The following FLT1 variants were observed in gnomAD, a reference collection of about 807,000 sequenced individuals.
The protein encoded by FLT1 is vascular endothelial growth factor receptor 1.
A neutral mutation model predicts 156.3 loss-of-function variants in FLT1; 49 were observed. The observed-to-expected ratio is 0.31, with a 90% CI of 0.25 to 0.40. The LOEUF is 0.40. Among genes scored for constraint, FLT1 ranks in the 10% least tolerant of loss-of-function variants. The probability of loss-of-function intolerance (pLI) is 1.00; values close to 1 mark genes in which losing one functional copy is unlikely to be tolerated. For synonymous variants in FLT1, 594 were observed against 583.8 expected (o/e 1.02, Z -0.25); for missense variants, 1,322 against 1,637.2 (o/e 0.81, Z 3.32).
At chr13:28,478,575 T>G (rs1880676469) in intron 1 of FLT1, among the ~76,000 whole-genome samples, 1 of 152,230 alleles carries the variant, frequency 6.6e-6, no homozygotes, top group African/African-American at 2.4e-5. Flanking sequence ...CTTTTAAATT[T>G]TATTCAACTA....
chr13:28,321,324 T>G, intron 23 of FLT1, 139 bp downstream of exon 23: 1 of 1,038,822 alleles, frequency 9.6e-7, no homozygotes. Context: ...GGGATGCCGC[T>G]CATCTGGACT....
chr13:28,468,714 C>CT (rs1879986140), intron 1 of FLT1, among the ~76,000 whole-genome samples: 1 of 152,180 alleles, frequency 6.6e-6, no homozygotes, highest in African/African-American at 2.4e-5. Flanking sequence ...CTTGTTCCTG[C>CT]TGCCACCATG....
chr13:28,387,239 T>C (rs558772838), intron 13 of FLT1: 3 of 1,039,988 alleles, frequency 2.9e-6, no homozygotes, highest in South Asian at 9.2e-5. Flanking sequence ...TACAGTAATA[T>C]GCATTTTTCT....
At chr13:28,306,557 C>T (rs1327513300) in intron 29 of FLT1, 121 bp downstream of exon 29, 34 of 760,530 alleles carry the variant, frequency 4.5e-5, no homozygotes, top group Admixed American at 2.2e-4. Flanking sequence ...CTGCAACTCC[C>T]GGATACCACA....
chr13:28,456,739 T>A (rs914358158), intron 3 of FLT1, among the ~76,000 whole-genome samples: 1 of 151,090 alleles, frequency 6.6e-6, no homozygotes, highest in Non-Finnish European at 1.5e-5. Context: ...GAGGTTGCAG[T>A]GAGCTGAGAT....
intron 10 of FLT1, among the ~76,000 whole-genome samples, chr13:28,423,459 A>G (rs888084700): frequency 2.0e-5 from 3 of 151,940 alleles, no homozygotes; most frequent in Non-Finnish European, 4.4e-5. Flanking sequence ...TTTACATTCC[A>G]TAATTTGCAT....
At chr13:28,395,426 ATGTGGCTAC>A (rs1236078872) in intron 12 of FLT1, among the ~76,000 whole-genome samples, 1 of 152,174 alleles carries the variant, frequency 6.6e-6, no homozygotes, top group Non-Finnish European at 1.5e-5. Flanking sequence ...AGCACTTGAA[ATGTGGCTAC>A]TGTGTCAGAG....
intron 1 of FLT1, among the ~76,000 whole-genome samples, chr13:28,468,770 C>T (rs1879988190): frequency 6.6e-6 from 1 of 152,184 alleles, no homozygotes. Flanking sequence ...TAAGGGCTCC[C>T]TGAGGCCTCA....
At chr13:28,451,030 G>A (rs1462685052) in intron 3 of FLT1, among the ~76,000 whole-genome samples, 2 of 152,206 alleles carry the variant, frequency 1.3e-5, no homozygotes, top group Admixed American at 6.5e-5. Flanking sequence ...GACTGATGAA[G>A]ACTCACCGCG....
At chr13:28,440,840 C>T (rs1470346619) in intron 3 of FLT1, among the ~76,000 whole-genome samples, 1 of 152,104 alleles carries the variant, frequency 6.6e-6, no homozygotes, top group Non-Finnish European at 1.5e-5. Flanking sequence ...TGTTAATTTT[C>T]TTATTATTAT....
At chr13:28,317,654 C>T (rs1255773897) in intron 24 of FLT1, 57 bp from the exon 25 acceptor site, 4 of 1,056,502 alleles carry the variant, frequency 3.8e-6, no homozygotes, top group Non-Finnish European at 6.0e-6. Context: ...GTACAAAAGA[C>T]CAAGAGGGGA....
chr13:28,438,332 A>G lies in FLT1; in HGVS notation c.402T>C (p.Pro134=), dbSNP rs890848743. 6.2e-7 allele frequency: 1 copy of G among 1,610,588 alleles called. No individual in the cohort carries two copies. The change falls in exon 4 of 30, where the codon CCT becomes CCC. Residue 134 remains proline, a synonymous_variant. Coordinates refer to ENST00000282397, the MANE Select transcript of FLT1 (RefSeq NM_002019.4). ...IYIFISDTGR[P]FVEMYSEIPE... ...GGATTTCACTGTACATCTCTACGAA[A>G]GGTCTACCTGTATCTGAATGAGAAG... is the stretch of plus-strand genomic sequence containing the variant.
chr13:28,334,053 G>C lies in FLT1; in HGVS notation c.2565C>G (p.Cys855Trp). Residue 855 changes from cysteine to tryptophan, a missense_variant, in exon 18 of 30, where the codon TGC becomes TGG. By Grantham distance (215) the Cys-to-Trp change is radical. This residue lies in a region of FLT1 where 991 missense variants were observed against 1,254.8 expected (regional missense o/e 0.79). Coordinates refer to ENST00000282397, the MANE Select transcript of FLT1 (RefSeq NM_002019.4). Reference sequence around the variant, plus strand: ...TCAGCATTTTCACAGCCACAGTCCGGCACGTAGGTGATTTCTTAATGCCAA... The same window carrying C: ...TCAGCATTTTCACAGCCACAGTCCGCCACGTAGGTGATTTCTTAATGCCAA... ...SAFGIKKSPTCRTVAVKMLKE... is the reference protein window; with the variant it reads ...SAFGIKKSPTWRTVAVKMLKE... The C allele has an allele frequency of 6.2e-7, 1 of 1,612,774 alleles. No homozygotes were observed. The highest frequency in any genetic ancestry group is 8.5e-7 in the Non-Finnish European group (1 of 1,178,736).
chr13:28,342,271 C>T (rs1312790585), intron 16 of FLT1, among the ~76,000 whole-genome samples: 1 of 152,130 alleles, frequency 6.6e-6, no homozygotes, highest in African/African-American at 2.4e-5. Flanking sequence ...CTAGGGCGGG[C>T]TGTTTTTCTG....
At chr13:28,464,917 G>A (rs530351598) in intron 3 of FLT1, among the ~76,000 whole-genome samples, 1 of 152,196 alleles carries the variant, frequency 6.6e-6, no homozygotes, top group Non-Finnish European at 1.5e-5. Context: ...ATAGGAGAAA[G>A]TTTTATGAAA....
intron 3 of FLT1, 111 bp downstream of exon 3, chr13:28,466,792 A>G (rs1309786066): frequency 3.9e-6 from 3 of 773,888 alleles, no homozygotes; most frequent in Non-Finnish European, 6.8e-6. Flanking sequence ...CTCTTTCCTA[A>G]CCCGTTTCTT....
At chr13:28,342,322 G>A (rs923623563) in intron 16 of FLT1, among the ~76,000 whole-genome samples, 1 of 152,098 alleles carries the variant, frequency 6.6e-6, no homozygotes, top group Non-Finnish European at 1.5e-5. Context: ...TCTGTCTCAA[G>A]CCTTGCTTTC....
intron 1 of FLT1, among the ~76,000 whole-genome samples, chr13:28,491,598 G>A (rs976183957): frequency 1.3e-5 from 2 of 152,136 alleles, no homozygotes; most frequent in African/African-American, 4.8e-5. Flanking sequence ...GGCTGTTTAG[G>A]TACATGCTAC....
intron 3 of FLT1, among the ~76,000 whole-genome samples, chr13:28,458,758 C>G (rs539245361): frequency 2.0e-5 from 3 of 152,302 alleles, no homozygotes; most frequent in African/African-American, 4.8e-5. Flanking sequence ...CCAATTTCCA[C>G]GTAGCTGGAA....
Sources: allele counts gnomAD v4.1 joint callset (sites outside exome capture counted in the v4.1 genomes callset), GRCh38; gene constraint gnomAD v4.1.1; regional missense constraint gnomAD v4.1.1; transcripts MANE v1.5; gene names NCBI Gene and HGNC (gene_info 2026-07-23, HGNC 2026-07-21).